STEAP3: variants seen among roughly 807,000 people sequenced by gnomAD.
The protein encoded by STEAP3 is STEAP3 metalloreductase, also known as metalloreductase STEAP3.
In STEAP3, 35 loss-of-function variants were observed where a neutral mutation model predicts 34.9. The ratio of observed to expected loss-of-function variants is 1.00; its 90% CI spans 0.76 to 1.33. STEAP3 has a LOEUF of 1.33. Among genes scored for constraint, STEAP3 ranks in the 40% most tolerant of loss-of-function variants. The pLI, the probability that STEAP3 is intolerant of heterozygous loss-of-function variation, is 0.00. For synonymous variants in STEAP3, 281 were observed against 301.6 expected, an observed-to-expected ratio of 0.93 and a Z score of 0.71; for missense variants, 652 against 667.6, an observed-to-expected ratio of 0.98 and a Z score of 0.26.
rs576497747 is a variant in STEAP3 at position 119,248,191 on chromosome 2, C to T, written c.1035C>T (p.Asn345=). The change falls in exon 4 of 6, where the codon AAC becomes AAT. Residue 345 remains asparagine (N), a synonymous_variant. Transcript: ENST00000393110. ...LRRAHRYDLV[N]LAVKQVLANK... ...GCGCCCACCGCTACGACCTGGTCAA[C>T]CTGGCAGTCAAGCAGGTACCCACCC... 3.8e-6 allele frequency: 6 copies of T among 1,588,842 alleles called. No individual in the cohort carries two copies. The Admixed American group carries it at 8.4e-5, about 22-fold the overall frequency.
intron 5 of STEAP3, among the ~76,000 whole-genome samples, chr2:119,262,359 T>A (rs775562132): frequency 6.6e-5 from 10 of 151,484 alleles, no homozygotes; most frequent in Admixed American, 2.0e-4. Context: ...CACACACATA[T>A]ACATGTATAT....
Position 119,234,715 on chromosome 2 carries a change from T to C in STEAP3, c.22+3681T>C, listed in dbSNP as rs958850168. On this transcript the variant is annotated intron_variant, in intron 2 of 5. Coordinates refer to ENST00000393110, the MANE Select transcript of STEAP3 (RefSeq NM_182915.3). Reference sequence around the variant, plus strand: ...GACTATTGCATAGAACTGCACAGACTGTGCACTGCACGCCTCCAGAGGGCA... The same window carrying C: ...GACTATTGCATAGAACTGCACAGACCGTGCACTGCACGCCTCCAGAGGGCA... 3.9e-5 allele frequency among the ~76,000 whole-genome samples: 6 copies of C among 152,216 alleles called. No individual in the cohort carries two copies. The East Asian group carries it at 1.2e-3, about 29-fold the overall frequency.
intron 5 of STEAP3, among the ~76,000 whole-genome samples, chr2:119,258,629 A>T: frequency 2.1e-5 from 2 of 94,234 alleles, no homozygotes; most frequent in African/African-American, 4.2e-5. Flanking sequence ...TTTTTTTGAG[A>T]CGGAGTCTCA....
At chr2:119,234,202 G>A (rs1677025744) in intron 2 of STEAP3, among the ~76,000 whole-genome samples, 1 of 152,196 alleles carries the variant, frequency 6.6e-6, no homozygotes, top group Non-Finnish European at 1.5e-5. Context: ...CCCTGCCCAG[G>A]AGCAGGGATG....
chr2:119,262,953 A>T, intron 5 of STEAP3, 104 bp from the exon 6 acceptor site: 1 of 1,511,264 alleles, frequency 6.6e-7, no homozygotes, highest in Non-Finnish European at 8.9e-7. Context: ...TGAGTACTAA[A>T]GCCACCCTCC....
intron 5 of STEAP3, chr2:119,257,319 A>C: frequency 8.9e-7 from 1 of 1,117,656 alleles, no homozygotes; most frequent in Non-Finnish European, 1.2e-6. Context: ...CCTGTCAAAT[A>C]GGCTGAAGCC....
chr2:119,237,915 G>A (rs2104804405), intron 2 of STEAP3, among the ~76,000 whole-genome samples: 1 of 152,264 alleles, frequency 6.6e-6, no homozygotes, highest in Middle Eastern at 3.4e-3. Flanking sequence ...ATTTATATAA[G>A]TGTAATTATG....
At chr2:119,255,885 A>G (rs1274338912) in intron 5 of STEAP3, among the ~76,000 whole-genome samples, 1 of 152,212 alleles carries the variant, frequency 6.6e-6, no homozygotes, top group East Asian at 1.9e-4. Context: ...CTGTGATGCA[A>G]TAGAGAACAA....
At chr2:119,251,751 C>G (rs895405) in intron 4 of STEAP3, among the ~76,000 whole-genome samples, 60,136 of 151,884 alleles carry the variant, frequency 0.4, 12,029 homozygotes, top group Middle Eastern at 0.5. Flanking sequence ...CACTTGGGTC[C>G]CATACTGTCC....
At chr2:119,229,616 G>T (rs1293475180) in intron 1 of STEAP3, among the ~76,000 whole-genome samples, 5 of 152,218 alleles carry the variant, frequency 3.3e-5, no homozygotes. Flanking sequence ...TCTCTGTCCA[G>T]CTAGGTCCCC....
At chr2:119,238,764 G>A (rs1677159750) in intron 2 of STEAP3, among the ~76,000 whole-genome samples, 1 of 152,128 alleles carries the variant, frequency 6.6e-6, no homozygotes, top group Non-Finnish European at 1.5e-5. Flanking sequence ...GGCAGGTTGG[G>A]GTGATCCCTG....
In STEAP3 at chr2:119,248,174, C is replaced by T. The variant is rs747929489; in HGVS notation, c.1018C>T (p.Arg340Cys). ...CTGCTTGCCGCTGCGCCGCGCCCAC[C>T]GCTACGACCTGGTCAACCTGGCAGT... is the stretch of plus-strand genomic sequence containing the variant. The part of the protein sequence containing the change: ...SFCLPLRRAH[R>C]YDLVNLAVKQ... Residue 340 changes from arginine to cysteine, a missense_variant, in exon 4 of 6, where the codon CGC becomes TGC. By Grantham distance (180) the Arg-to-Cys change is radical. Coordinates refer to ENST00000393110, the MANE Select transcript of STEAP3 (RefSeq NM_182915.3). 6 of 1,597,806 alleles carry T rather than the reference C, an allele frequency of 3.8e-6. No individual in the cohort carries two copies. Among genetic ancestry groups the T allele is most frequent in the Admixed American group, 3.4e-5 (2 of 59,582 alleles).
At chr2:119,229,780 AGATG>A (rs1679158126) in intron 1 of STEAP3, among the ~76,000 whole-genome samples, 1 of 151,032 alleles carries the variant, frequency 6.6e-6, no homozygotes. Flanking sequence ...TCAAGATTGG[AGATG>A]GAAAGAATGC....
intron 1 of STEAP3, among the ~76,000 whole-genome samples, chr2:119,226,550 G>C (rs1284523431): frequency 6.6e-6 from 1 of 152,128 alleles, no homozygotes; most frequent in Non-Finnish European, 1.5e-5. Context: ...AGGCTGTGGA[G>C]ATTACAGAAC....
At position 119,247,798 on chromosome 2, in the gene STEAP3, G is replaced by A. The variant is rs540350733; in HGVS notation, c.642G>A (p.Met214Ile). ...CGTCAGCCTGGGAGGTGGAGGCCAT[G>A]CCCCTGCGCCTCCTCCCGGCCTGGA... ...SLASAWEVEA[M>I]PLRLLPAWKV... is the part of the protein sequence containing the mutation. The change falls in exon 4 of 6, where the codon ATG becomes ATA. Residue 214 changes from methionine (M) to isoleucine (I), a missense_variant. Coordinates refer to ENST00000393110, the MANE Select transcript of STEAP3 (RefSeq NM_182915.3). 1.2e-6 allele frequency: 2 copies of A among 1,611,118 alleles called. No homozygotes were observed. The highest frequency in any genetic ancestry group is 1.7e-5 in the Admixed American group (1 of 60,010).
At chr2:119,262,499 C>G (rs141874525) in intron 5 of STEAP3, among the ~76,000 whole-genome samples, 4 of 152,234 alleles carry the variant, frequency 2.6e-5, no homozygotes, top group African/African-American at 9.6e-5. Context: ...CTCAGCCTCC[C>G]AAGTAGCTGG....
intron 2 of STEAP3, among the ~76,000 whole-genome samples, chr2:119,236,366 C>T (rs867519655): frequency 1.2e-4 from 19 of 152,192 alleles, no homozygotes; most frequent in Admixed American, 3.3e-4. Context: ...GTGACTTGGC[C>T]GGGCCGCCAG....
intron 2 of STEAP3, among the ~76,000 whole-genome samples, chr2:119,237,253 C>A (rs1677118699): frequency 6.6e-6 from 1 of 152,204 alleles, no homozygotes; most frequent in Non-Finnish European, 1.5e-5. Context: ...CATATCCCAC[C>A]TGACCACTTG....
intron 4 of STEAP3, among the ~76,000 whole-genome samples, chr2:119,253,453 G>A (rs1677683952): frequency 6.6e-6 from 1 of 151,680 alleles, no homozygotes; most frequent in Admixed American, 6.6e-5. Context: ...TATTTTATGT[G>A]GTAACTGAGC....
Sources: allele counts gnomAD v4.1 joint callset (sites outside exome capture counted in the v4.1 genomes callset), GRCh38; gene constraint gnomAD v4.1.1; transcripts MANE v1.5; gene names NCBI Gene and HGNC (gene_info 2026-07-23, HGNC 2026-07-21).